Variants in TENM1 observed in about 807,000 individuals in gnomAD.
TENM1 encodes the protein teneurin transmembrane protein 1.
A neutral mutation model predicts 174.8 loss-of-function variants in TENM1; 35 were observed. That is an observed-to-expected ratio of 0.20 (90% CI 0.15 to 0.27). TENM1 has a LOEUF of 0.27. Among genes scored for constraint, TENM1 ranks in the 10% least tolerant of loss-of-function variants. The pLI is 1.00. For synonymous variants in TENM1, 781 were observed against 798.7 expected (o/e 0.98, Z 0.37); for missense variants, 1,633 against 2,130.1 (o/e 0.77, Z 4.59).
the TENM1 span, among the ~76,000 whole-genome samples, chrX:125,166,597 A>G: frequency 8.9e-6 from 1 of 111,827 alleles, no homozygotes; most frequent in African/African-American, 3.2e-5. Context: ...TTGGAAAAAC[A>G]TGCTACCAAA....
chrX:125,081,887 C>CAG, the TENM1 span, among the ~76,000 whole-genome samples: 32 of 110,794 alleles, frequency 2.9e-4, no homozygotes, highest in African/African-American at 9.8e-4. Context: ...TGAAATGAGA[C>CAG]AGACATAGAC....
At chrX:124,999,419 T>A in the TENM1 span, among the ~76,000 whole-genome samples, 3 of 111,013 alleles carry the variant, frequency 2.7e-5, no homozygotes, top group Admixed American at 9.6e-5. Flanking sequence ...AAGAACAAGT[T>A]AAATTTCCGT....
the TENM1 span, among the ~76,000 whole-genome samples, chrX:125,138,308 C>T: frequency 1.8e-4 from 20 of 109,992 alleles, no homozygotes; most frequent in African/African-American, 6.6e-4. Context: ...AGTATTTTTC[C>T]CAAGGGCAGA....
At chrX:124,984,188 T>C in the TENM1 span, among the ~76,000 whole-genome samples, 1 of 111,958 alleles carries the variant, frequency 8.9e-6, no homozygotes, top group Non-Finnish European at 1.9e-5. Context: ...GGCTTCTTGT[T>C]GCTTCCAGAC....
At chrX:124,815,871 T>C (rs1411725036) in intron 3 of TENM1, among the ~76,000 whole-genome samples, 2 of 111,320 alleles carry the variant, frequency 1.8e-5, no homozygotes, top group African/African-American at 6.5e-5. Context: ...TAAGGTAAAA[T>C]AGCTGAGAGA....
the TENM1 span, among the ~76,000 whole-genome samples, chrX:125,101,300 T>TC: frequency 1.8e-5 from 2 of 111,791 alleles, no homozygotes; most frequent in African/African-American, 3.3e-5. Context: ...AATTTTTTTT[T>TC]CCAAGAGGCA....
At chrX:124,636,128 G>C (rs1030961782) in intron 11 of TENM1, among the ~76,000 whole-genome samples, 62 of 111,885 alleles carry the variant, frequency 5.5e-4, no homozygotes, top group African/African-American at 1.9e-3. Flanking sequence ...TGTGCTTAGT[G>C]GAAGAAAATG....
intron 11 of TENM1, among the ~76,000 whole-genome samples, chrX:124,632,255 G>C (rs962878742): frequency 1.8e-5 from 2 of 110,433 alleles, no homozygotes; most frequent in Admixed American, 9.7e-5. Context: ...AATTCTACCA[G>C]TGGCCTCAAC....
chrX:125,105,382 T>G, the TENM1 span, among the ~76,000 whole-genome samples: 1 of 110,847 alleles, frequency 9.0e-6, no homozygotes, highest in Non-Finnish European at 1.9e-5. Flanking sequence ...ACAGCTTCCA[T>G]CATCCTGACA....
chrX:124,681,061 C>T (rs1329471145), intron 5 of TENM1, among the ~76,000 whole-genome samples: 1 of 111,921 alleles, frequency 8.9e-6, no homozygotes, highest in African/African-American at 3.2e-5. Context: ...TTTATATCCA[C>T]AACCTCTGGT....
chrX:124,419,803 C>T (rs2060631676), intron 25 of TENM1, among the ~76,000 whole-genome samples: 1 of 111,786 alleles, frequency 8.9e-6, no homozygotes, highest in African/African-American at 3.3e-5. Context: ...TCTTCTCTTG[C>T]TTTCCAGGGT....
chrX:124,870,098 C>A (rs2057081818), intron 3 of TENM1, among the ~76,000 whole-genome samples: 2 of 111,671 alleles, frequency 1.8e-5, no homozygotes, highest in Non-Finnish European at 3.8e-5. Context: ...TCTAAATATA[C>A]ACACCTACTA....
chrX:125,168,023 A>ATGTG, the TENM1 span, among the ~76,000 whole-genome samples: 1 of 110,875 alleles, frequency 9.0e-6, no homozygotes, highest in African/African-American at 3.3e-5. Flanking sequence ...GTGTGTGTGT[A>ATGTG]TGTGTGTGTG....
At chrX:124,651,840 A>G in intron 8 of TENM1, 74 bp downstream of exon 11, 1 of 1,156,886 alleles carries the variant, frequency 8.6e-7, no homozygotes, top group Non-Finnish European at 1.2e-6. Flanking sequence ...AATAACCCCC[A>G]GGACACTGTC....
At chrX:124,586,446 A>T (rs1309541353) in intron 11 of TENM1, among the ~76,000 whole-genome samples, 1 of 110,416 alleles carries the variant, frequency 9.1e-6, no homozygotes, top group Non-Finnish European at 1.9e-5. Flanking sequence ...CCACATGATT[A>T]TCTCAATAGA....
rs191790482 is a variant in TENM1 at position 124,711,841 on chromosome X, C to A, written c.777-6590G>T. 1.6e-4 allele frequency among the ~76,000 whole-genome samples: 18 copies of A among 111,562 alleles called. 1 individual carries two copies. Among genetic ancestry groups the A allele is most frequent in the Admixed American group, 1.1e-3 (12 of 10,527 alleles). ...CTTGCAAATCTGAAACACTATATCCCCATTAAACAATTGTTCTTTCCATCC... is the reference window on the plus strand; with the variant it reads ...CTTGCAAATCTGAAACACTATATCCACATTAAACAATTGTTCTTTCCATCC... On this transcript the variant is annotated intron_variant, in intron 4 of 31. Coordinates refer to ENST00000422452, the Ensembl canonical transcript of TENM1.
rs972155816 is a variant in TENM1 at position 124,653,733 on chromosome X, G to C, written c.1219C>G (p.Gln407Glu). 2.5e-6 allele frequency: 3 copies of C among 1,209,490 alleles called. No homozygotes were observed. The highest frequency in any genetic ancestry group is 3.4e-6 in the Non-Finnish European group (3 of 894,798). Reference sequence around the variant, plus strand: ...CCAGGTGGAATGGTCTGCATGACCTGTGCACCAATGTCAACTTCTCCAGTG... The same window carrying C: ...CCAGGTGGAATGGTCTGCATGACCTCTGCACCAATGTCAACTTCTCCAGTG... Residue 407 changes from glutamine to glutamate, a missense_variant, in exon 7 of 32, where the codon CAG (glutamine) becomes GAG (glutamate). Coordinates refer to ENST00000422452, the Ensembl canonical transcript of TENM1.
At chrX:125,068,900 T>C in the TENM1 span, among the ~76,000 whole-genome samples, 2 of 112,291 alleles carry the variant, frequency 1.8e-5, no homozygotes, top group African/African-American at 6.5e-5. Flanking sequence ...AGCTGGACTA[T>C]AGCCTCCATG....
At chrX:124,680,482 T>A (rs1368900570) in intron 5 of TENM1, among the ~76,000 whole-genome samples, 2 of 111,199 alleles carry the variant, frequency 1.8e-5, no homozygotes, top group East Asian at 5.6e-4. Context: ...TAATATATGA[T>A]CTCCATTTGC....
Sources: gnomAD v4.1 joint callset for allele counts (sites outside exome capture counted in the v4.1 genomes callset) on GRCh38, gnomAD v4.1.1 for gene constraint, MANE v1.5 for transcripts, NCBI Gene and HGNC (gene_info 2026-07-23, HGNC 2026-07-21) for gene names.